NAV2: variants seen among roughly 807,000 people sequenced by gnomAD.
NAV2 encodes the protein neuron navigator 2.
NAV2 carries 54 observed loss-of-function variants against 223.2 expected under a neutral mutation model. That is an observed-to-expected ratio of 0.24 (90% CI 0.19 to 0.30). The LOEUF (loss-of-function observed/expected upper bound fraction) is 0.30. Among genes scored for constraint, NAV2 ranks in the 10% least tolerant of loss-of-function variants. The pLI is 1.00. For missense variants in NAV2, 2,806 were observed against 3,147.5 expected, an observed-to-expected ratio of 0.89 and a Z score of 2.60; for synonymous variants, 1,279 against 1,239.3, an observed-to-expected ratio of 1.03 and a Z score of -0.67.
chr11:19,582,879 T>G (rs943090778), intron 1 of NAV2, among the ~76,000 whole-genome samples: 1 of 152,226 alleles, frequency 6.6e-6, no homozygotes, highest in Non-Finnish European at 1.5e-5. Flanking sequence ...TGGTTCCATA[T>G]GAACTTTAAA....
In NAV2 at chr11:20,118,264, G is replaced by A. The variant is rs575118262; in HGVS notation, c.*6G>A. ...CTTTGGAGTCCACTCTGTGACAGGG[G>A]CCCGGAGCCCAGCGCCCTCCTCTTC... On this transcript the variant is annotated 3_prime_UTR_variant, in exon 38 of 38. Transcript: ENST00000349880. 6.2e-7 allele frequency: 1 copy of A among 1,613,478 alleles called. No homozygotes were observed. Among genetic ancestry groups the A allele is most frequent in the Admixed American group, 1.7e-5 (1 of 59,992 alleles).
At chr11:20,042,160 C>CT (rs2056980080) in intron 12 of NAV2, among the ~76,000 whole-genome samples, 1 of 152,084 alleles carries the variant, frequency 6.6e-6, no homozygotes, top group Non-Finnish European at 1.5e-5. Context: ...GGAAACTGAC[C>CT]TGAGGTAGTT....
chr11:19,736,985 A>G (rs1045933352), intron 1 of NAV2, among the ~76,000 whole-genome samples: 2 of 152,236 alleles, frequency 1.3e-5, no homozygotes, highest in Non-Finnish European at 2.9e-5. Context: ...GGTCTCACAC[A>G]ATCTCATGAA....
chr11:20,082,062 T>A (rs1185592287), intron 25 of NAV2, among the ~76,000 whole-genome samples: 1 of 152,218 alleles, frequency 6.6e-6, no homozygotes, highest in African/African-American at 2.4e-5. Context: ...AATAAATTTC[T>A]TTAAAATAAC....
At chr11:19,384,700 C>T (rs1014676961) in intron 1 of NAV2, 1 of 152,240 alleles carries the variant, frequency 6.6e-6, no homozygotes, top group African/African-American at 2.4e-5. Flanking sequence ...ATATGAGCTT[C>T]TCTGAACTGA....
chr11:19,466,984 T>TACACACACACACACACACAC (rs3042688), intron 1 of NAV2, among the ~76,000 whole-genome samples: 60 of 125,164 alleles, frequency 4.8e-4, no homozygotes, highest in Non-Finnish European at 6.4e-4. Flanking sequence ...TCTCTCTCTC[T>TACACACACACACACACACAC]ACACACACAC....
chr11:19,814,386 C>T (rs1480438876), intron 1 of NAV2, among the ~76,000 whole-genome samples: 1 of 152,174 alleles, frequency 6.6e-6, no homozygotes, highest in Non-Finnish European at 1.5e-5. Context: ...CTGCCCTCTC[C>T]CTCCCCTGGC....
intron 1 of NAV2, among the ~76,000 whole-genome samples, chr11:19,536,528 C>T (rs1293931106): frequency 1.3e-5 from 2 of 152,168 alleles, no homozygotes; most frequent in Non-Finnish European, 2.9e-5. Flanking sequence ...TGACAAGACT[C>T]CCCACCATGT....
At chr11:19,989,362 A>G (rs1394491970) in intron 11 of NAV2, among the ~76,000 whole-genome samples, 1 of 152,200 alleles carries the variant, frequency 6.6e-6, no homozygotes, top group African/African-American at 2.4e-5. Context: ...CTACAGCCCA[A>G]GAATGCAGGT....
intron 1 of NAV2, among the ~76,000 whole-genome samples, chr11:19,512,520 A>G (rs1249302618): frequency 1.3e-5 from 2 of 152,174 alleles, no homozygotes; most frequent in Non-Finnish European, 2.9e-5. Flanking sequence ...GAAGGGTCCC[A>G]TCCCCTGCTG....
At chr11:19,406,606 G>T (rs1849908882) in intron 1 of NAV2, among the ~76,000 whole-genome samples, 1 of 152,028 alleles carries the variant, frequency 6.6e-6, no homozygotes, top group South Asian at 2.1e-4. Context: ...ATGGGCTCAT[G>T]TCCCCGGGAG....
At chr11:19,637,079 T>C (rs1430613798) in intron 1 of NAV2, among the ~76,000 whole-genome samples, 1 of 152,208 alleles carries the variant, frequency 6.6e-6, no homozygotes, top group Non-Finnish European at 1.5e-5. Flanking sequence ...AAAACAAGTT[T>C]TCCATGGTCT....
chr11:19,619,083 T>G (rs1590697342), intron 1 of NAV2, among the ~76,000 whole-genome samples: 1 of 148,520 alleles, frequency 6.7e-6, no homozygotes, highest in East Asian at 2.0e-4. Context: ...ACAAAGGACA[T>G]GAACTCATCC....
intron 1 of NAV2, among the ~76,000 whole-genome samples, chr11:19,595,695 C>A (rs1372530312): frequency 5.3e-5 from 8 of 151,370 alleles, no homozygotes; most frequent in Admixed American, 5.3e-4. Flanking sequence ...TAGCTGGGAC[C>A]ACAGACACAC....
At chr11:19,673,745 T>G (rs996387389) in intron 1 of NAV2, among the ~76,000 whole-genome samples, 2 of 152,200 alleles carry the variant, frequency 1.3e-5, no homozygotes, top group African/African-American at 4.8e-5. Context: ...TCTCGGGGCC[T>G]GTTCCCTCCC....
intron 1 of NAV2, among the ~76,000 whole-genome samples, chr11:19,552,145 G>T (rs1351332491): frequency 6.6e-6 from 1 of 152,162 alleles, no homozygotes; most frequent in Non-Finnish European, 1.5e-5. Flanking sequence ...TGGGAGACAG[G>T]ACAGAGCCTC....
intron 1 of NAV2, among the ~76,000 whole-genome samples, chr11:19,459,733 A>C (rs147821964): frequency 0.019 from 2,863 of 152,334 alleles, 36 homozygotes; most frequent in Middle Eastern, 0.048. Context: ...TGTGCTAGAA[A>C]AGATGCATTG....
chr11:19,786,042 C>G (rs1267770942), intron 1 of NAV2, among the ~76,000 whole-genome samples: 1 of 150,920 alleles, frequency 6.6e-6, no homozygotes, highest in African/African-American at 2.4e-5. Context: ...CCAAGTTGGT[C>G]AAAAAAGAAA....
chr11:19,936,055 G>A (rs1195147360), intron 7 of NAV2, among the ~76,000 whole-genome samples: 1 of 146,774 alleles, frequency 6.8e-6, no homozygotes, highest in African/African-American at 2.5e-5. Context: ...TTTTAATACA[G>A]ACAGGATTTC....
Sources: allele counts gnomAD v4.1 joint callset (sites outside exome capture counted in the v4.1 genomes callset), GRCh38; gene constraint gnomAD v4.1.1; transcripts MANE v1.5; gene names NCBI Gene and HGNC (gene_info 2026-07-23, HGNC 2026-07-21).